Variants in PCLO observed in about 807,000 individuals in gnomAD.
PCLO encodes protein piccolo.
A neutral mutation model predicts 427.5 loss-of-function variants in PCLO; 82 were observed. That is an observed-to-expected ratio of 0.19 (90% CI 0.16 to 0.23). PCLO has a LOEUF of 0.23. Ranked by LOEUF, PCLO falls within the 10% of genes least tolerant of loss-of-function variation. The pLI is 1.00. For synonymous variants in PCLO, 2,357 were observed against 2,155.4 expected (o/e 1.09, Z -2.59); for missense variants, 6,239 against 6,115.9 (o/e 1.02, Z -0.67).
intron 3 of PCLO, among the ~76,000 whole-genome samples, chr7:83,089,844 C>T (rs1164662476): frequency 6.6e-6 from 1 of 152,146 alleles, no homozygotes; most frequent in East Asian, 1.9e-4. Flanking sequence ...AATCACCTCC[C>T]TTTTGTCTGC....
chr7:82,935,709 G>A (rs1296132789), intron 6 of PCLO, among the ~76,000 whole-genome samples: 5 of 151,492 alleles, frequency 3.3e-5, no homozygotes, highest in Admixed American at 6.6e-5. Context: ...AACACTATAC[G>A]ATCACGGCGT....
intron 9 of PCLO, among the ~76,000 whole-genome samples, chr7:82,895,308 G>A (rs1026392360): frequency 6.6e-6 from 1 of 151,782 alleles, no homozygotes; most frequent in African/African-American, 2.4e-5. Flanking sequence ...AAAATGCATG[G>A]GATGCAGTAA....
At chr7:83,122,891 CAAATT>C (rs1315544889) in intron 3 of PCLO, among the ~76,000 whole-genome samples, 5 of 151,878 alleles carry the variant, frequency 3.3e-5, no homozygotes, top group Non-Finnish European at 4.4e-5. Context: ...ACAATTGCTA[CAAATT>C]AAATTAAATA....
At chr7:83,122,286 C>T (rs373635370) in intron 3 of PCLO, among the ~76,000 whole-genome samples, 137 of 128,234 alleles carry the variant, frequency 1.1e-3, no homozygotes, top group Middle Eastern at 8.4e-3. Flanking sequence ...CTTTTCTTTT[C>T]TTTTTTTTTT....
At chr7:82,794,450 A>ATTTTTTTTTCTTTT (rs141105612) in intron 22 of PCLO, among the ~76,000 whole-genome samples, 1 of 62,030 alleles carries the variant, frequency 1.6e-5, no homozygotes, top group Non-Finnish European at 3.9e-5. Context: ...TAGTTCATAA[A>ATTTTTTTTTCTTTT]TTTTTTTTCT....
chr7:82,885,841 G>A (rs530672803), intron 9 of PCLO, among the ~76,000 whole-genome samples: 1 of 151,958 alleles, frequency 6.6e-6, no homozygotes, highest in African/African-American at 2.4e-5. Flanking sequence ...GGCTTTGAGA[G>A]GTTAAACACT....
At chr7:83,023,619 T>C (rs567185605) in intron 3 of PCLO, among the ~76,000 whole-genome samples, 1 of 152,348 alleles carries the variant, frequency 6.6e-6, no homozygotes, top group South Asian at 2.1e-4. Flanking sequence ...CCACTCAGTG[T>C]CAAGGCAAAG....
chr7:82,789,477 G>A (rs570264485), intron 22 of PCLO, among the ~76,000 whole-genome samples: 3 of 152,082 alleles, frequency 2.0e-5, no homozygotes, highest in African/African-American at 4.8e-5. Flanking sequence ...AGACTGAGGC[G>A]GGTGGATCAC....
intron 10 of PCLO, among the ~76,000 whole-genome samples, chr7:82,872,325 A>AAT (rs1156778887): frequency 2.0e-5 from 3 of 152,068 alleles, no homozygotes; most frequent in African/African-American, 7.2e-5. Flanking sequence ...AGATGAGAAA[A>AAT]ATCCACAAGC....
At chr7:82,792,571 G>A (rs1023966255) in intron 22 of PCLO, among the ~76,000 whole-genome samples, 39 of 151,846 alleles carry the variant, frequency 2.6e-4, no homozygotes, top group African/African-American at 9.2e-4. Context: ...CAAGCAATCT[G>A]CCCACTCCAG....
At chr7:83,093,472 G>GTGTGTGTGTATATATATATATATATATA (rs745824155) in intron 3 of PCLO, among the ~76,000 whole-genome samples, 2 of 99,168 alleles carry the variant, frequency 2.0e-5, no homozygotes, top group Non-Finnish European at 3.7e-5. Flanking sequence ...ATGTGTGTGT[G>GTGTGTGTGTATATATATATATATATATA]TATAGATATA....
Position 82,956,702 on chromosome 7 carries a change from T to C in PCLO, c.4251A>G (p.Leu1417=), listed in dbSNP as rs746650708. 5.0e-6 allele frequency: 8 copies of C among 1,613,538 alleles called. No homozygotes were observed. Among genetic ancestry groups the C allele is most frequent in the South Asian group, 2.2e-5 (2 of 91,078 alleles). Reference sequence around the variant, plus strand: ...TACTTGCTTGAGCTTCCAAAATAGATAGGACTGTACTTTCTAACTTAGCCA... The same window carrying C: ...TACTTGCTTGAGCTTCCAAAATAGACAGGACTGTACTTTCTAACTTAGCCA... ...SDLAKLESTV[L]SILEAQASTL... The change falls in exon 5 of 25, where the codon CTA becomes CTG. Residue 1417 remains leucine (L), a synonymous_variant. Transcript: ENST00000333891.
intron 3 of PCLO, among the ~76,000 whole-genome samples, chr7:82,971,893 T>C (rs988645114): frequency 6.6e-6 from 1 of 151,670 alleles, no homozygotes; most frequent in South Asian, 2.1e-4. Context: ...CCATTTTTTT[T>C]CCGGTGATTT....
In PCLO at chr7:82,934,098, T is replaced by A. The variant is rs541543548; in HGVS notation, c.11112+15378A>T. ...ATATTAAAATATAACTTTTACAAAC[T>A]ACCATTATTAATGATTTTTATGGGC... On this transcript the variant is annotated intron_variant, in intron 6 of 24. Transcript: ENST00000333891. Among the ~76,000 whole-genome samples the A allele has an allele frequency of 2.0e-5, 3 of 152,060 alleles. No individual in the cohort carries two copies. In the South Asian group the frequency reaches 6.2e-4, roughly 32 times the overall value.
At chr7:82,786,696 C>T (rs916608771) in intron 22 of PCLO, among the ~76,000 whole-genome samples, 1 of 152,058 alleles carries the variant, frequency 6.6e-6, no homozygotes, top group African/African-American at 2.4e-5. Flanking sequence ...ACTCATCAAC[C>T]TGTCATCTAC....
intron 3 of PCLO, among the ~76,000 whole-genome samples, chr7:83,038,025 A>ATATATATATATATATT (rs1562932933): frequency 4.1e-5 from 2 of 49,088 alleles, no homozygotes; most frequent in African/African-American, 1.5e-4. Flanking sequence ...ATATATATAT[A>ATATATATATATATATT]TATATTTATA....
chr7:82,826,834 G>T (rs923432496), intron 17 of PCLO, among the ~76,000 whole-genome samples, 174 bp from the exon 18 acceptor site: 1 of 151,912 alleles, frequency 6.6e-6, no homozygotes, highest in African/African-American at 2.4e-5. Context: ...TGTAAAATTT[G>T]AATGATTTTG....
chr7:83,054,787 A>T (rs1004538462), intron 3 of PCLO, among the ~76,000 whole-genome samples: 8 of 152,050 alleles, frequency 5.3e-5, no homozygotes. Flanking sequence ...GCCAATGAGG[A>T]GGAATTTCCT....
chr7:83,135,156 G>C lies in PCLO; in HGVS notation c.2394C>G (p.Asp798Glu). ...GAAAACTCTGTGAGGGTTTGGCAGAGTCTGTTTTTAGAGGAGGGGTTGTTT... is the reference window on the plus strand; with the variant it reads ...GAAAACTCTGTGAGGGTTTGGCAGACTCTGTTTTTAGAGGAGGGGTTGTTT... ...EEKTTPPLKT[D>E]SAKPSQSFPP... is the part of the protein sequence containing the mutation. Residue 798 changes from aspartate (D) to glutamate (E), a missense_variant, in exon 3 of 25, where the codon GAC (aspartate) becomes GAG (glutamate). This residue lies in a region of PCLO where 4,677 missense variants were observed against 4,468.4 expected (regional missense o/e 1.05). Coordinates refer to ENST00000333891, the MANE Select transcript of PCLO (RefSeq NM_033026.6). 1.9e-6 allele frequency: 3 copies of C among 1,613,960 alleles called. No individual in the cohort carries two copies. The highest frequency in any genetic ancestry group is 2.5e-6 in the Non-Finnish European group (3 of 1,179,896).
Sources: gnomAD v4.1 joint callset for allele counts (sites outside exome capture counted in the v4.1 genomes callset) on GRCh38, gnomAD v4.1.1 for gene constraint, gnomAD v4.1.1 regional missense constraint, MANE v1.5 for transcripts, NCBI Gene and HGNC (gene_info 2026-07-23, HGNC 2026-07-21) for gene names.